BRIX1: variants seen among roughly 807,000 people sequenced by gnomAD.
The protein encoded by BRIX1 is biogenesis of ribosomes BRX1.
A neutral mutation model predicts 44.0 loss-of-function variants in BRIX1; 15 were observed. The ratio of observed to expected loss-of-function variants is 0.34; its 90% CI spans 0.23 to 0.53. BRIX1 has a LOEUF of 0.53. Ranked by LOEUF, BRIX1 falls within the 20% of genes least tolerant of loss-of-function variation. The pLI, the probability that BRIX1 is intolerant of heterozygous loss-of-function variation, is 0.95. For missense variants in BRIX1, 420 were observed against 432.8 expected (o/e 0.97, Z 0.26); for synonymous variants, 149 against 135.4 (o/e 1.10, Z -0.70).
At chr5:34,919,931 G>A in intron 3 of BRIX1, 48 bp downstream of exon 3, 1 of 703,410 alleles carries the variant, frequency 1.4e-6, no homozygotes, top group South Asian at 1.8e-5. Flanking sequence ...AATGTTAACA[G>A]TGGCTTATTT....
chr5:34,922,984 T>G lies in BRIX1; in HGVS notation c.511-17T>G. On this transcript the variant is annotated splice_polypyrimidine_tract_variant and intron_variant, in intron 6 of 9. Coordinates refer to ENST00000336767, the MANE Select transcript of BRIX1 (RefSeq NM_018321.4). Reference sequence around the variant, plus strand: ...GGCAGTCTACTGTTAAATAATATGCTTACCTTATTTTTATAGGCTTTTGAT... The same window carrying G: ...GGCAGTCTACTGTTAAATAATATGCGTACCTTATTTTTATAGGCTTTTGAT... 1 of 1,491,106 alleles carries G rather than the reference T, an allele frequency of 6.7e-7. No individual in the cohort carries two copies. Among genetic ancestry groups the G allele is most frequent in the Non-Finnish European group, 9.3e-7 (1 of 1,073,352 alleles). The allele number at this position is 1,491,106 out of a possible 1,614,324, so 92.4% of individuals were successfully genotyped here.
intron 8 of BRIX1, 111 bp from the exon 9 acceptor site, chr5:34,924,736 A>T (rs1764315401): frequency 1.6e-6 from 1 of 645,046 alleles, no homozygotes; most frequent in Admixed American, 2.7e-5. Flanking sequence ...CCCCACCTTG[A>T]TTTTATGGAT....
At chr5:34,918,140 CAAAA>C (rs1184236238) in intron 1 of BRIX1, 60 of 103,366 alleles carry the variant, frequency 5.8e-4, no homozygotes, top group South Asian at 2.0e-3. Context: ...CCCATCTCTA[CAAAA>C]AAAAAAAAAA....
chr5:34,925,714 A>G lies in BRIX1; in HGVS notation c.*219A>G. The G allele has an allele frequency of 2.0e-6, 1 of 489,092 alleles. No homozygotes were observed. The highest frequency in any genetic ancestry group is 3.5e-6 in the Non-Finnish European group (1 of 287,804). The allele number at this position is 489,092 out of a possible 1,614,324, so 30.3% of individuals were successfully genotyped here. A position where few individuals can be genotyped will look rare whatever the true frequency, so the allele number is the denominator to read the frequency against. On this transcript the variant is annotated 3_prime_UTR_variant, in exon 10 of 10. Transcript: ENST00000336767. ...ATTTCTTTTTGAAGTTTGTGTTGCT[A>G]AAAATGTAGCACACTTAATGTAGCC...
chr5:34,923,310 G>T (rs57326744), intron 8 of BRIX1, 76 bp downstream of exon 8: 2 of 1,188,644 alleles, frequency 1.7e-6, no homozygotes, highest in Non-Finnish European at 2.5e-6. Context: ...ACAGAGTCTC[G>T]CTCTTGTTGC....
Position 34,922,253 on chromosome 5 carries a change from T to C in BRIX1, c.352T>C (p.Phe118Leu). 1 of 1,594,050 alleles carries C rather than the reference T, an allele frequency of 6.3e-7. No individual in the cohort carries two copies. Among genetic ancestry groups the C allele is most frequent in the Non-Finnish European group, 8.6e-7 (1 of 1,165,642 alleles). ...EMKNCNKCIY[F>L]EAKKKQDLYM... Reference sequence around the variant, plus strand: ...GAAGAACTGTAATAAATGCATCTATTTTGAAGCTAAGAAAAAACAGGATCT... The same window carrying C: ...GAAGAACTGTAATAAATGCATCTATCTTGAAGCTAAGAAAAAACAGGATCT... Residue 118 changes from phenylalanine (F) to leucine (L), a missense_variant, in exon 4 of 10, where the codon TTT (phenylalanine) becomes CTT (leucine). Transcript: ENST00000336767.
intron 3 of BRIX1, 134 bp from the exon 4 acceptor site, chr5:34,922,083 C>G (rs1164992144): frequency 2.2e-6 from 1 of 464,452 alleles, no homozygotes; most frequent in Non-Finnish European, 3.8e-6. Context: ...TGAATAAATA[C>G]ATGTTTAGGC....
chr5:34,920,186 T>C (rs1764210862), intron 3 of BRIX1: 1 of 182,016 alleles, frequency 5.5e-6, no homozygotes, highest in African/African-American at 2.3e-5. Context: ...CAAAAAATTA[T>C]CAGTCAACAT....
At position 34,919,837 on chromosome 5, in the gene BRIX1, T is replaced by G. The variant is rs756885509; in HGVS notation, c.272-3T>G. ...TTGCTTTTTCTTTTTTTTCTTTTTCTAGATACTAAAATGGATCGTAAGGAT... is the reference window on the plus strand; with the variant it reads ...TTGCTTTTTCTTTTTTTTCTTTTTCGAGATACTAAAATGGATCGTAAGGAT... On this transcript the variant is annotated splice_region_variant and splice_polypyrimidine_tract_variant and intron_variant, in intron 2 of 9. Transcript: ENST00000336767. 1 of 1,035,020 alleles carries G rather than the reference T, an allele frequency of 9.7e-7. No homozygotes were observed. Among genetic ancestry groups the G allele is most frequent in the Non-Finnish European group, 1.4e-6 (1 of 720,972 alleles). 64.1% of individuals were successfully genotyped at this position (1,035,020 alleles called of 1,614,324 possible).
rs199708199 is a variant in BRIX1 at position 34,921,333 on chromosome 5, C to T, written c.316-884C>T. On this transcript the variant is annotated intron_variant, in intron 3 of 9. Coordinates refer to ENST00000336767, the MANE Select transcript of BRIX1 (RefSeq NM_018321.4). Reference sequence around the variant, plus strand: ...AGGTTTGATATACTTAGGCTTTTCACCCAATCCCTTAGTGATTTTATAGAA... The same window carrying T: ...AGGTTTGATATACTTAGGCTTTTCATCCAATCCCTTAGTGATTTTATAGAA... The T allele has an allele frequency of 4.6e-5, 7 of 152,244 alleles. No homozygotes were observed. The East Asian group carries it at 1.3e-3, about 29-fold the overall frequency. 9.4% of individuals were successfully genotyped at this position (152,244 alleles called of 1,614,324 possible). A position where few individuals can be genotyped will look rare whatever the true frequency, so the allele number is the denominator to read the frequency against.
At chr5:34,917,301 T>C (rs1198136659) in intron 1 of BRIX1, among the ~76,000 whole-genome samples, 2 of 152,196 alleles carry the variant, frequency 1.3e-5, no homozygotes, top group Non-Finnish European at 2.9e-5. Flanking sequence ...TTGAACTTTG[T>C]TTAGAAAACT....
rs115045138 is a variant in BRIX1, at chr5:34,923,182, A to G, written c.611A>G (p.His204Arg). 68 of 1,614,202 alleles carry G rather than the reference A, an allele frequency of 4.2e-5. 1 individual carries two copies. The South Asian group carries it at 6.7e-4, about 16-fold the overall frequency. ...YHPKSQPFVD[H>R]VFTFTILDNR... is the part of the protein sequence containing the mutation. ...CCCAAAAGCCAACCATTTGTGGACC[A>G]CGTGTTTACTTTCACCATTTTGGAT... Residue 204 changes from histidine to arginine, a missense_variant, in exon 8 of 10, where the codon CAC (histidine) becomes CGC (arginine). By Grantham distance (29) the His-to-Arg change is conservative (BLOSUM62 0). Coordinates refer to ENST00000336767, the MANE Select transcript of BRIX1 (RefSeq NM_018321.4).
At chr5:34,925,015 A>C in intron 9 of BRIX1, 40 bp downstream of exon 9, 1 of 1,588,980 alleles carries the variant, frequency 6.3e-7, no homozygotes, top group South Asian at 1.1e-5. Flanking sequence ...AATGTACCAG[A>C]ACCCTTTGGC....
chr5:34,925,003 T>C, intron 9 of BRIX1, 28 bp downstream of exon 9: 1 of 1,607,352 alleles, frequency 6.2e-7, no homozygotes, highest in Non-Finnish European at 8.5e-7. Flanking sequence ...TCAGTAGTCT[T>C]CAATGTACCA....
At chr5:34,918,680 A>G in intron 2 of BRIX1, 2 of 450,136 alleles carry the variant, frequency 4.4e-6, no homozygotes. Flanking sequence ...TTTACTTTTT[A>G]AAACAGGTGT....
At chr5:34,922,647 G>C in intron 5 of BRIX1, 48 bp from the exon 6 acceptor site, 3 of 1,594,644 alleles carry the variant, frequency 1.9e-6, no homozygotes, top group Non-Finnish European at 2.6e-6. Flanking sequence ...TTTTGAAATA[G>C]TTGTGCAAAA....
At chr5:34,916,028 A>C (rs560147845) in intron 1 of BRIX1, 131 bp downstream of exon 1, 1 of 1,087,036 alleles carries the variant, frequency 9.2e-7, no homozygotes, top group Non-Finnish European at 1.3e-6. Context: ...GGTTTTAGCA[A>C]TTCTCCCGGC....
In BRIX1 at chr5:34,922,682, G is replaced by T; in HGVS notation, c.437-13G>T. 1 of 1,611,664 alleles carries T rather than the reference G, an allele frequency of 6.2e-7. No individual in the cohort carries two copies. Among genetic ancestry groups the T allele is most frequent in the Non-Finnish European group, 8.5e-7 (1 of 1,178,610 alleles). On this transcript the variant is annotated splice_polypyrimidine_tract_variant and intron_variant, in intron 5 of 9. Coordinates refer to ENST00000336767, the MANE Select transcript of BRIX1 (RefSeq NM_018321.4). The stretch of plus-strand genomic sequence containing the variant: ...AGTTACAACTATTTTTGTTTTTGTT[G>T]TAATTTTTCTAGTTCATACCCTCGC...
chr5:34,921,323 A>T (rs1764232305), intron 3 of BRIX1: 1 of 152,216 alleles, frequency 6.6e-6, no homozygotes, highest in African/African-American at 2.4e-5. Context: ...TGATATACTT[A>T]GGCTTTTCAC....
Sources: gnomAD v4.1 joint callset for allele counts (sites outside exome capture counted in the v4.1 genomes callset) on GRCh38, gnomAD v4.1.1 for gene constraint, MANE v1.5 for transcripts, NCBI Gene and HGNC (gene_info 2026-07-23, HGNC 2026-07-21) for gene names.